The following NRG3 variants were observed in gnomAD, a reference collection of about 807,000 sequenced individuals.
The protein encoded by NRG3 is pro-neuregulin-3, membrane-bound isoform.
In NRG3, 31 loss-of-function variants were observed where a neutral mutation model predicts 66.9. The ratio of observed to expected loss-of-function variants is 0.46; its 90% CI spans 0.35 to 0.63. NRG3 has a LOEUF of 0.63. Ranked by LOEUF, NRG3 falls within the 20% of genes least tolerant of loss-of-function variation. The probability of loss-of-function intolerance (pLI) is 0.00; values close to 1 mark genes in which losing one functional copy is unlikely to be tolerated. For synonymous variants in NRG3, 393 were observed against 359.4 expected, an observed-to-expected ratio of 1.09 and a Z score of -1.06; for missense variants, 910 against 878.9, an observed-to-expected ratio of 1.04 and a Z score of -0.45.
Position 82,836,872 on chromosome 10 carries a change from C to T in NRG3, c.1028-28539C>T, listed in dbSNP as rs537205869. On this transcript the variant is annotated intron_variant, in intron 3 of 8. Transcript: ENST00000372141. ...TCATCATTTAACATTAGGTATATCT[C>T]CTAATGTTATCCCTCCCCACTCCCC... 2.0e-4 allele frequency among the ~76,000 whole-genome samples: 29 copies of T among 146,928 alleles called. No individual in the cohort carries two copies. The East Asian group carries it at 4.3e-3, about 22-fold the overall frequency.
At chr10:82,419,467 G>C (rs548155912) in intron 2 of NRG3, among the ~76,000 whole-genome samples, 6 of 152,218 alleles carry the variant, frequency 3.9e-5, no homozygotes. Flanking sequence ...CTGATACTTA[G>C]AAAAATCTAA....
intron 6 of NRG3, among the ~76,000 whole-genome samples, chr10:82,962,612 G>C (rs1409466557): frequency 6.6e-6 from 1 of 152,158 alleles, no homozygotes; most frequent in Non-Finnish European, 1.5e-5. Flanking sequence ...GCCAAAGCAG[G>C]TGGATCACCT....
intron 2 of NRG3, among the ~76,000 whole-genome samples, chr10:82,642,046 A>C (rs1164591936): frequency 6.6e-6 from 1 of 152,048 alleles, no homozygotes; most frequent in African/African-American, 2.4e-5. Flanking sequence ...CCGCCCACTA[A>C]ATATCTATGT....
At chr10:82,394,289 A>G (rs1283724728) in intron 2 of NRG3, among the ~76,000 whole-genome samples, 1 of 152,216 alleles carries the variant, frequency 6.6e-6, no homozygotes, top group Non-Finnish European at 1.5e-5. Flanking sequence ...CAGGACTACG[A>G]TGAGCGGGCA....
intron 1 of NRG3, among the ~76,000 whole-genome samples, chr10:82,139,673 A>G (rs1197524132): frequency 6.6e-6 from 1 of 152,178 alleles, no homozygotes; most frequent in Non-Finnish European, 1.5e-5. Flanking sequence ...TCTAGAAGCA[A>G]CTAACTCTAA....
At chr10:82,714,058 C>A (rs372482282) in intron 2 of NRG3, among the ~76,000 whole-genome samples, 4 of 152,156 alleles carry the variant, frequency 2.6e-5, no homozygotes, top group Non-Finnish European at 5.9e-5. Context: ...ATATGTATCA[C>A]CTTTAACTTA....
At chr10:82,059,631 C>T (rs974521864) in intron 1 of NRG3, among the ~76,000 whole-genome samples, 9 of 152,134 alleles carry the variant, frequency 5.9e-5, no homozygotes, top group African/African-American at 9.7e-5. Flanking sequence ...TTTTACTTCT[C>T]GTCCCAATTC....
At chr10:82,437,848 C>T (rs1045682274) in intron 2 of NRG3, among the ~76,000 whole-genome samples, 3 of 152,134 alleles carry the variant, frequency 2.0e-5, no homozygotes, top group Admixed American at 2.0e-4. Context: ...ACTTCAGGCT[C>T]TATTCAGCTG....
At chr10:82,602,581 T>C (rs1565116316) in intron 2 of NRG3, among the ~76,000 whole-genome samples, 1 of 152,140 alleles carries the variant, frequency 6.6e-6, no homozygotes, top group Admixed American at 6.6e-5. Flanking sequence ...TGTAAAATTA[T>C]CCAAGCCAGG....
At chr10:82,496,212 A>G (rs1843620433) in intron 2 of NRG3, among the ~76,000 whole-genome samples, 1 of 152,242 alleles carries the variant, frequency 6.6e-6, no homozygotes, top group Admixed American at 6.5e-5. Context: ...GTTGTTAGCG[A>G]TAAAATTTGA....
At chr10:82,260,951 G>T (rs1238457338) in intron 1 of NRG3, among the ~76,000 whole-genome samples, 1 of 152,130 alleles carries the variant, frequency 6.6e-6, no homozygotes, top group African/African-American at 2.4e-5. Context: ...TGTGAGTGGG[G>T]CCTGGTGGGA....
chr10:82,742,631 T>C (rs1477605256), intron 3 of NRG3, among the ~76,000 whole-genome samples: 2 of 151,728 alleles, frequency 1.3e-5, no homozygotes, highest in Non-Finnish European at 2.9e-5. Flanking sequence ...TTGGTCAGAG[T>C]CAAGAGGAAG....
At chr10:82,272,063 A>C (rs1304513860) in intron 1 of NRG3, among the ~76,000 whole-genome samples, 2 of 152,126 alleles carry the variant, frequency 1.3e-5, no homozygotes, top group Non-Finnish European at 2.9e-5. Flanking sequence ...GAGCAAACAA[A>C]CAACCATGCT....
chr10:81,996,272 C>G (rs1234306193), intron 1 of NRG3, among the ~76,000 whole-genome samples: 6 of 152,134 alleles, frequency 3.9e-5, no homozygotes, highest in African/African-American at 1.4e-4. Context: ...AAATGTTGCA[C>G]TGTGCATGTC....
At chr10:81,952,458 G>A (rs1849460860) in intron 1 of NRG3, among the ~76,000 whole-genome samples, 1 of 151,936 alleles carries the variant, frequency 6.6e-6, no homozygotes, top group African/African-American at 2.4e-5. Context: ...GAGAGAGAGA[G>A]ACCTCTTTTT....
chr10:82,170,860 A>G (rs1010551006), intron 1 of NRG3, among the ~76,000 whole-genome samples: 14 of 151,034 alleles, frequency 9.3e-5, no homozygotes, highest in Middle Eastern at 3.4e-3. Flanking sequence ...TGATATTCCA[A>G]TCAGAAGGTA....
chr10:82,774,147 A>T (rs186657490), intron 3 of NRG3, among the ~76,000 whole-genome samples: 5 of 152,158 alleles, frequency 3.3e-5, no homozygotes, highest in East Asian at 1.9e-4. Context: ...ATTAGACATA[A>T]TTTTTTTGCT....
At chr10:82,593,556 G>T (rs867509852) in intron 2 of NRG3, among the ~76,000 whole-genome samples, 2 of 97,086 alleles carry the variant, frequency 2.1e-5, no homozygotes, top group Non-Finnish European at 3.7e-5. Context: ...AACATTTCTC[G>T]GCTCATTTTT....
intron 1 of NRG3, among the ~76,000 whole-genome samples, chr10:82,257,276 A>G (rs1359391984): frequency 1.3e-5 from 2 of 152,124 alleles, no homozygotes; most frequent in Non-Finnish European, 2.9e-5. Flanking sequence ...GAATGGGGAA[A>G]AAAAACTTTT....
Sources: gnomAD v4.1 joint callset for allele counts (sites outside exome capture counted in the v4.1 genomes callset) on GRCh38, gnomAD v4.1.1 for gene constraint, MANE v1.5 for transcripts, NCBI Gene and HGNC (gene_info 2026-07-23, HGNC 2026-07-21) for gene names.